MINDY3: variants seen among roughly 807,000 people sequenced by gnomAD.
MINDY3 encodes the protein ubiquitin carboxyl-terminal hydrolase MINDY-3.
In MINDY3, 38 loss-of-function variants were observed where a neutral mutation model predicts 69.2. The observed-to-expected ratio is 0.55, with a 90% CI of 0.42 to 0.72. The LOEUF (loss-of-function observed/expected upper bound fraction) is 0.72. MINDY3 is among the 30% of genes least tolerant of loss of function. The pLI, the probability that MINDY3 is intolerant of heterozygous loss-of-function variation, is 0.00. For synonymous variants in MINDY3, 192 were observed against 180.1 expected (o/e 1.07, Z -0.53); for missense variants, 522 against 519.0 (o/e 1.01, Z -0.06).
intron 4 of MINDY3, among the ~76,000 whole-genome samples, chr10:15,838,987 A>G (rs1833282361): frequency 6.6e-6 from 1 of 151,648 alleles, no homozygotes; most frequent in Admixed American, 6.6e-5. Flanking sequence ...AACCTGAGGC[A>G]CACAGAAAAA....
intron 10 of MINDY3, among the ~76,000 whole-genome samples, chr10:15,811,740 A>AT (rs1388573488): frequency 1.3e-5 from 2 of 152,132 alleles, no homozygotes; most frequent in Admixed American, 1.3e-4. Flanking sequence ...AAAAAATAAC[A>AT]TATGTGCACT....
intron 2 of MINDY3, among the ~76,000 whole-genome samples, chr10:15,846,058 G>A (rs995411761): frequency 1.3e-5 from 2 of 151,814 alleles, no homozygotes; most frequent in Admixed American, 1.3e-4. Context: ...CCTGACCTCA[G>A]GTGATCTACC....
intron 10 of MINDY3, among the ~76,000 whole-genome samples, chr10:15,799,139 G>A (rs912443431): frequency 6.6e-6 from 1 of 151,702 alleles, no homozygotes. Flanking sequence ...TTGGCCTGAG[G>A]GCCATTTGCT....
intron 3 of MINDY3, among the ~76,000 whole-genome samples, chr10:15,842,293 C>T (rs1438841007): frequency 1.3e-5 from 2 of 151,916 alleles, no homozygotes; most frequent in African/African-American, 4.8e-5. Flanking sequence ...AATGGATTAA[C>T]AGTTCTTTAA....
chr10:15,825,791 G>A (rs1840047529), intron 8 of MINDY3, among the ~76,000 whole-genome samples: 2 of 152,118 alleles, frequency 1.3e-5, no homozygotes, highest in African/African-American at 4.8e-5. Context: ...TTCTGTGTAT[G>A]AGTCCATCAT....
chr10:15,786,386 C>G (rs1039057047), intron 13 of MINDY3, among the ~76,000 whole-genome samples, 175 bp downstream of exon 13: 1 of 152,114 alleles, frequency 6.6e-6, no homozygotes, highest in South Asian at 2.1e-4. Context: ...CAAGGCACTG[C>G]GTTACCGTAT....
intron 10 of MINDY3, among the ~76,000 whole-genome samples, chr10:15,808,087 C>T (rs116765732): frequency 0.035 from 5,392 of 152,230 alleles, 307 homozygotes; most frequent in African/African-American, 0.12. Flanking sequence ...ATTCAAATCA[C>T]TGAGAATAAT....
intron 10 of MINDY3, among the ~76,000 whole-genome samples, chr10:15,802,744 G>C (rs1838351532): frequency 6.6e-6 from 1 of 151,836 alleles, no homozygotes; most frequent in Non-Finnish European, 1.5e-5. Context: ...TACTGGTTAG[G>C]CTCCAAATAA....
intron 1 of MINDY3, among the ~76,000 whole-genome samples, chr10:15,859,808 A>T (rs879858633): frequency 6.6e-6 from 1 of 152,224 alleles, no homozygotes; most frequent in Non-Finnish European, 1.5e-5. Context: ...CACCAAAAAT[A>T]GACCAACCAC....
chr10:15,794,649 T>C (rs551288438), intron 11 of MINDY3, among the ~76,000 whole-genome samples: 25 of 152,112 alleles, frequency 1.6e-4, no homozygotes, highest in African/African-American at 5.5e-4. Flanking sequence ...TTCTGAAAAA[T>C]TGCACTGATT....
At chr10:15,814,532 A>T (rs995518750) in intron 10 of MINDY3, among the ~76,000 whole-genome samples, 1 of 151,232 alleles carries the variant, frequency 6.6e-6, no homozygotes, top group African/African-American at 2.4e-5. Context: ...AACAGTAACA[A>T]TTAGTATAAA....
intron 13 of MINDY3, among the ~76,000 whole-genome samples, chr10:15,784,233 G>C (rs544294144): frequency 6.6e-6 from 1 of 152,262 alleles, no homozygotes; most frequent in African/African-American, 2.4e-5. Context: ...CTTGGGAAAG[G>C]GGAGCTGCTT....
chr10:15,851,460 AT>A (rs1834292011), intron 1 of MINDY3, among the ~76,000 whole-genome samples: 1 of 151,288 alleles, frequency 6.6e-6, no homozygotes, highest in Non-Finnish European at 1.5e-5. Flanking sequence ...GAGATATTTC[AT>A]TTTCTCTATG....
chr10:15,794,556 ACT>A lies in MINDY3; in HGVS notation c.955+1542_955+1543del, dbSNP rs1032659926. ...TAGTCATGATAAGCTGTCACATGTA[ACT>A]CTGTAGATTAAAAGCATTTAGTAAT... is the stretch of plus-strand genomic sequence containing the variant. On this transcript the variant is annotated intron_variant, in intron 11 of 14. Coordinates refer to ENST00000277632, the MANE Select transcript of MINDY3 (RefSeq NM_024948.4). Among the ~76,000 whole-genome samples, 12 of 152,054 alleles carry A rather than the reference ACT, an allele frequency of 7.9e-5. No homozygotes were observed. In the South Asian group the frequency reaches 1.0e-3, roughly 13 times the overall value.
At chr10:15,838,755 CTTTAAG>C (rs762632940) in intron 4 of MINDY3, among the ~76,000 whole-genome samples, 2 of 151,622 alleles carry the variant, frequency 1.3e-5, no homozygotes, top group Non-Finnish European at 3.0e-5. Context: ...TCAATGACAG[CTTTAAG>C]TTTGTTTCCT....
intron 2 of MINDY3, among the ~76,000 whole-genome samples, chr10:15,843,518 G>C (rs959598561): frequency 6.6e-6 from 1 of 151,964 alleles, no homozygotes; most frequent in Non-Finnish European, 1.5e-5. Flanking sequence ...CATATTTTCT[G>C]ACAAGTAGAA....
intron 8 of MINDY3, among the ~76,000 whole-genome samples, chr10:15,822,894 T>C (rs1440417322): frequency 6.6e-6 from 1 of 152,174 alleles, no homozygotes; most frequent in Non-Finnish European, 1.5e-5. Flanking sequence ...TACATTAATA[T>C]AATAATATAT....
In MINDY3 at chr10:15,835,931, C is replaced by G. The variant is rs189534724; in HGVS notation, c.576+1273G>C. 2.2e-3 allele frequency among the ~76,000 whole-genome samples: 337 copies of G among 152,076 alleles called. 2 individuals carry two copies. The highest frequency in any genetic ancestry group is 6.8e-3 in the African/African-American group (281 of 41,498). On this transcript the variant is annotated intron_variant, in intron 6 of 14. Transcript: ENST00000277632. ...GACTCTAGTCTTATATTACAAACAC[C>G]AACTCCATCCATCACAACTCCTATC...
In MINDY3 at chr10:15,847,921, C is replaced by G. The variant is rs772757461; in HGVS notation, c.117G>C (p.Glu39Asp). ...WTQGFVFSES[E>D]GSALEQFEGG... The stretch of plus-strand genomic sequence containing the variant: ...CTTCAAACTGTTCTAATGCAGATCC[C>G]TCTGATTCACTAAACACAAACCCTA... Residue 39 changes from glutamate to aspartate, a missense_variant, in exon 2 of 15, where the codon GAG (glutamate) becomes GAC (aspartate). Coordinates refer to ENST00000277632, the MANE Select transcript of MINDY3 (RefSeq NM_024948.4). 2 of 1,613,936 alleles carry G rather than the reference C, an allele frequency of 1.2e-6. No homozygotes were observed. Among genetic ancestry groups the G allele is most frequent in the Admixed American group, 3.3e-5 (2 of 60,020 alleles).
Sources: gnomAD v4.1 joint callset for allele counts (sites outside exome capture counted in the v4.1 genomes callset) on GRCh38, gnomAD v4.1.1 for gene constraint, MANE v1.5 for transcripts, NCBI Gene and HGNC (gene_info 2026-07-23, HGNC 2026-07-21) for gene names.